The following VPS37A variants were observed in gnomAD, a reference collection of about 807,000 sequenced individuals.
The protein encoded by VPS37A is VPS37A subunit of ESCRT-I.
A neutral mutation model predicts 49.8 loss-of-function variants in VPS37A; 30 were observed. The ratio of observed to expected loss-of-function variants is 0.60; its 90% CI spans 0.45 to 0.82. The LOEUF is 0.82. VPS37A is among the 40% of genes least tolerant of loss of function. VPS37A has a pLI of 0.00. For synonymous variants in VPS37A, 195 were observed against 160.6 expected (o/e 1.21, Z -1.62); for missense variants, 593 against 464.4 (o/e 1.28, Z -2.55).
rs200458295 is a variant in VPS37A, at chr8:17,280,424, G to C, written c.950G>C (p.Arg317Thr). 6.2e-7 allele frequency: 1 copy of C among 1,608,386 alleles called. No homozygotes were observed. The highest frequency in any genetic ancestry group is 1.3e-5 in the African/African-American group (1 of 74,502). Residue 317 changes from arginine to threonine, a missense_variant, in exon 9 of 12, where the codon AGG (arginine) becomes ACG (threonine). By Grantham distance (71) the Arg-to-Thr change is moderately conservative. Coordinates refer to ENST00000324849, the MANE Select transcript of VPS37A (RefSeq NM_152415.3). ...MKSTFEKKMQRQHELSESCSA... is the reference protein window; with the variant it reads ...MKSTFEKKMQTQHELSESCSA... The stretch of plus-strand genomic sequence containing the variant: ...TCCACTTTCGAAAAGAAGATGCAAA[G>C]GCAGCATGAACTTAGTGAGGTAAGA...
At chr8:17,258,148 C>T (rs1276073052) in intron 1 of VPS37A, among the ~76,000 whole-genome samples, 1 of 152,212 alleles carries the variant, frequency 6.6e-6, no homozygotes, top group South Asian at 2.1e-4. Flanking sequence ...ATTTCTATCT[C>T]TTGCCTAATT....
intron 1 of VPS37A, among the ~76,000 whole-genome samples, chr8:17,253,361 T>C (rs1392018910): frequency 1.3e-5 from 2 of 152,204 alleles, no homozygotes; most frequent in Non-Finnish European, 2.9e-5. Context: ...GCCAGAGTAA[T>C]CTTTCTAAAA....
At chr8:17,330,828 C>T in the VPS37A span, among the ~76,000 whole-genome samples, 2 of 152,126 alleles carry the variant, frequency 1.3e-5, no homozygotes, top group Admixed American at 1.3e-4. Flanking sequence ...TGTAGGATTG[C>T]CTTATTCCTA....
chr8:17,256,290 A>ATTTTTTTTTTTTTTTTTTTTTT (rs529736602), intron 1 of VPS37A, among the ~76,000 whole-genome samples: 2 of 60,404 alleles, frequency 3.3e-5, no homozygotes, highest in African/African-American at 1.5e-4. Context: ...GGGTAAAATG[A>ATTTTTTTTTTTTTTTTTTTTTT]TTTTTTTTTT....
rs921324659 is a variant in VPS37A at position 17,297,270 on chromosome 8, A to G, written c.*2284A>G. The stretch of plus-strand genomic sequence containing the variant: ...ATATCTTAAAATAGAAGAAAATTCT[A>G]AATCAATCAATCAGTGAGATATAAA... On this transcript the variant is annotated 3_prime_UTR_variant, in exon 12 of 12. Transcript: ENST00000324849. 6.6e-6 allele frequency: 1 copy of G among 152,154 alleles called. No homozygotes were observed. The highest frequency in any genetic ancestry group is 1.5e-5 in the Non-Finnish European group (1 of 67,988). 9.4% of individuals were successfully genotyped at this position (152,154 alleles called of 1,614,324 possible). A position where few individuals can be genotyped will look rare whatever the true frequency, so the allele number is the denominator to read the frequency against.
chr8:17,273,233 G>A (rs950838441), intron 4 of VPS37A, among the ~76,000 whole-genome samples: 2 of 151,762 alleles, frequency 1.3e-5, no homozygotes, highest in African/African-American at 4.8e-5. Context: ...CTACTTCATT[G>A]CCGTCAGTGC....
chr8:17,312,352 A>T, the VPS37A span, among the ~76,000 whole-genome samples: 1 of 152,034 alleles, frequency 6.6e-6, no homozygotes, highest in African/African-American at 2.4e-5. Flanking sequence ...TGGCGGGTGG[A>T]TCACCTGAGG....
chr8:17,300,068 T>A, downstream of VPS37A: 1 of 1,614,116 alleles, frequency 6.2e-7, no homozygotes, highest in Non-Finnish European at 8.5e-7. Context: ...TGTGAAGGGC[T>A]CCGGGATGGA....
intron 1 of VPS37A, among the ~76,000 whole-genome samples, chr8:17,263,396 C>A (rs1429887319): frequency 6.6e-6 from 1 of 152,020 alleles, no homozygotes; most frequent in African/African-American, 2.4e-5. Flanking sequence ...TTGTTTAATG[C>A]AGCTAATCAA....
chr8:17,299,525 G>C (rs887945646), downstream of VPS37A: 16 of 208,912 alleles, frequency 7.7e-5, no homozygotes, highest in Admixed American at 2.6e-4. Context: ...AAGGAGTGGA[G>C]GCTTTTTGAG....
At chr8:17,252,201 C>T (rs1437921089) in intron 1 of VPS37A, among the ~76,000 whole-genome samples, 1 of 152,188 alleles carries the variant, frequency 6.6e-6, no homozygotes, top group Non-Finnish European at 1.5e-5. Flanking sequence ...GAGACAGGGT[C>T]TCACTCTGTT....
At position 17,265,983 on chromosome 8, in the gene VPS37A, T is replaced by G; in HGVS notation, c.200+2T>G. 1 of 1,608,246 alleles carries G rather than the reference T, an allele frequency of 6.2e-7. No individual in the cohort carries two copies. The highest frequency in any genetic ancestry group is 1.1e-5 in the South Asian group (1 of 90,138). On this transcript the variant is annotated splice_donor_variant, in intron 2 of 11. Coordinates refer to ENST00000324849, the MANE Select transcript of VPS37A (RefSeq NM_152415.3). LOFTEE classifies it high-confidence loss of function. ...CAACCTGACAATTAACATTAATATGTGAGTAGAATTGTATCCTACTTTTTC... is the reference window on the plus strand; with the variant it reads ...CAACCTGACAATTAACATTAATATGGGAGTAGAATTGTATCCTACTTTTTC...
chr8:17,314,824 G>A, the VPS37A span, among the ~76,000 whole-genome samples: 1 of 152,344 alleles, frequency 6.6e-6, no homozygotes, highest in East Asian at 1.9e-4. Flanking sequence ...TGAAGGGACA[G>A]CCCTTTGAAT....
intron 6 of VPS37A, among the ~76,000 whole-genome samples, chr8:17,276,988 T>C (rs944315564): frequency 6.6e-6 from 1 of 152,130 alleles, no homozygotes; most frequent in African/African-American, 2.4e-5. Flanking sequence ...AGAAAATGGT[T>C]TTTTGCCATT....
intron 1 of VPS37A, among the ~76,000 whole-genome samples, chr8:17,259,216 A>G (rs1223340195): frequency 6.6e-6 from 1 of 152,088 alleles, no homozygotes. Flanking sequence ...ATTTATTGCT[A>G]TAAACTTTCT....
chr8:17,284,162 G>C (rs890950506), intron 9 of VPS37A, among the ~76,000 whole-genome samples: 10 of 152,154 alleles, frequency 6.6e-5, no homozygotes, highest in Non-Finnish European at 1.5e-4. Flanking sequence ...GTCATTAGTG[G>C]AGCGTCTCCT....
rs1322795380 is a variant in VPS37A at position 17,297,548 on chromosome 8, AT to A, written c.*2564del. ...ACTGATTTGCTGGGTCATGGTCAAA[AT>A]TCTTACCTATTTATTTCATATCAAC... On this transcript the variant is annotated 3_prime_UTR_variant, in exon 12 of 12. Transcript: ENST00000324849. 8.7e-6 allele frequency: 1 copy of A among 115,122 alleles called. No individual in the cohort carries two copies. Among genetic ancestry groups the A allele is most frequent in the African/African-American group, 4.4e-5 (1 of 22,980 alleles). The allele number at this position is 115,122 out of a possible 1,614,324, so 7.1% of individuals were successfully genotyped here. A position where few individuals can be genotyped will look rare whatever the true frequency, so the allele number is the denominator to read the frequency against.
intron 6 of VPS37A, among the ~76,000 whole-genome samples, chr8:17,277,899 C>G (rs943311639): frequency 1.3e-5 from 2 of 148,604 alleles, no homozygotes; most frequent in Admixed American, 6.7e-5. Flanking sequence ...CACACACACA[C>G]ACAGACATAT....
In VPS37A at chr8:17,296,922, CA is replaced by C. The variant is rs1816693655; in HGVS notation, c.*1939del. On this transcript the variant is annotated 3_prime_UTR_variant, in exon 12 of 12. Coordinates refer to ENST00000324849, the MANE Select transcript of VPS37A (RefSeq NM_152415.3). The stretch of plus-strand genomic sequence containing the variant: ...AGTGTGATCAGTTATCTGCATTTAA[CA>C]AATAGACAAATCAGTTTACATAAAG... The C allele has an allele frequency of 1.3e-5, 2 of 152,064 alleles. No homozygotes were observed. The highest frequency in any genetic ancestry group is 1.3e-4 in the Admixed American group (2 of 15,264). The allele number at this position is 152,064 out of a possible 1,614,324, so 9.4% of individuals were successfully genotyped here.
Sources: gnomAD v4.1 joint callset for allele counts (sites outside exome capture counted in the v4.1 genomes callset) on GRCh38, gnomAD v4.1.1 for gene constraint, MANE v1.5 for transcripts, NCBI Gene and HGNC (gene_info 2026-07-23, HGNC 2026-07-21) for gene names.